NCKAP5: variants seen among roughly 807,000 people sequenced by gnomAD.
The protein encoded by NCKAP5 is nck-associated protein 5.
A neutral mutation model predicts 167.0 loss-of-function variants in NCKAP5; 92 were observed. That is an observed-to-expected ratio of 0.55 (90% CI 0.47 to 0.66). NCKAP5 has a LOEUF of 0.66. NCKAP5 is among the 30% of genes least tolerant of loss of function. The pLI is 0.00. For synonymous variants in NCKAP5, 891 were observed against 877.4 expected, an observed-to-expected ratio of 1.02 and a Z score of -0.27; for missense variants, 2,378 against 2,315.0, an observed-to-expected ratio of 1.03 and a Z score of -0.56.
At chr2:133,471,343 T>C (rs368930045) in intron 3 of NCKAP5, among the ~76,000 whole-genome samples, 54 of 150,738 alleles carry the variant, frequency 3.6e-4, no homozygotes, top group African/African-American at 1.3e-3. Flanking sequence ...AACCTTAAAA[T>C]TGGTAATTTA....
chr2:133,061,085 A>T (rs1341387144), intron 6 of NCKAP5, among the ~76,000 whole-genome samples: 3 of 152,018 alleles, frequency 2.0e-5, no homozygotes, highest in Admixed American at 6.6e-5. Context: ...ACAAAACAAC[A>T]ACAACAAAAA....
At chr2:132,869,823 A>G (rs181473863) in intron 9 of NCKAP5, among the ~76,000 whole-genome samples, 1 of 152,310 alleles carries the variant, frequency 6.6e-6, no homozygotes, top group African/African-American at 2.4e-5. Context: ...GGATATTTGG[A>G]CAGAGAAAAG....
chr2:133,093,060 T>A (rs2081239923), intron 6 of NCKAP5, among the ~76,000 whole-genome samples: 1 of 152,146 alleles, frequency 6.6e-6, no homozygotes, highest in African/African-American at 2.4e-5. Context: ...ATAATAATAA[T>A]CCCTTCCTTG....
intron 6 of NCKAP5, among the ~76,000 whole-genome samples, chr2:133,032,149 A>G (rs2078900135): frequency 6.6e-6 from 1 of 151,966 alleles, no homozygotes; most frequent in Non-Finnish European, 1.5e-5. Context: ...CAGGGGAGAA[A>G]AGCACCAAGC....
intron 16 of NCKAP5, among the ~76,000 whole-genome samples, chr2:132,768,830 G>T (rs1052549454): frequency 6.6e-6 from 1 of 151,052 alleles, no homozygotes; most frequent in African/African-American, 2.4e-5. Flanking sequence ...TAGTAGAGAC[G>T]GGGTTTCACT....
At chr2:133,083,834 A>G (rs1326493663) in intron 6 of NCKAP5, among the ~76,000 whole-genome samples, 1 of 152,152 alleles carries the variant, frequency 6.6e-6, no homozygotes, top group Non-Finnish European at 1.5e-5. Context: ...CTAAGTGCTG[A>G]GGATATAGCA....
intron 3 of NCKAP5, among the ~76,000 whole-genome samples, chr2:133,364,383 G>T (rs12328976): frequency 0.25 from 38,386 of 152,042 alleles, 5,396 homozygotes; most frequent in African/African-American, 0.39. Flanking sequence ...GACTTTTTAT[G>T]CTGAACTAGT....
chr2:132,831,920 A>C (rs1687548360), intron 11 of NCKAP5, among the ~76,000 whole-genome samples: 1 of 152,114 alleles, frequency 6.6e-6, no homozygotes, highest in Admixed American at 6.5e-5. Flanking sequence ...AAATACATTG[A>C]TGAATCCCTA....
intron 5 of NCKAP5, among the ~76,000 whole-genome samples, chr2:133,173,046 G>A (rs1352825148): frequency 6.6e-6 from 1 of 152,094 alleles, no homozygotes; most frequent in East Asian, 1.9e-4. Context: ...CAGGCAGAAG[G>A]TTCAGGTTCA....
At chr2:133,179,964 T>A (rs1002644861) in intron 5 of NCKAP5, among the ~76,000 whole-genome samples, 71 of 151,440 alleles carry the variant, frequency 4.7e-4, no homozygotes, top group African/African-American at 1.7e-3. Context: ...TTTGACAAAA[T>A]ACATACAGAT....
At chr2:132,815,301 A>T (rs529965927) in intron 11 of NCKAP5, among the ~76,000 whole-genome samples, 1 of 152,320 alleles carries the variant, frequency 6.6e-6, no homozygotes, top group East Asian at 1.9e-4. Context: ...CAAAGAAATG[A>T]GCATTATAGA....
intron 8 of NCKAP5, among the ~76,000 whole-genome samples, chr2:132,920,046 G>A (rs1479941520): frequency 6.6e-6 from 1 of 152,134 alleles, no homozygotes; most frequent in Non-Finnish European, 1.5e-5. Flanking sequence ...ATGGTTCCTT[G>A]GCTACTGCCT....
chr2:132,949,591 T>A (rs1308667944), intron 8 of NCKAP5, among the ~76,000 whole-genome samples: 1 of 152,182 alleles, frequency 6.6e-6, no homozygotes, highest in African/African-American at 2.4e-5. Flanking sequence ...CCTCAGGGCA[T>A]GGCATCCCCC....
At chr2:133,622,499 A>C in the NCKAP5 span, among the ~76,000 whole-genome samples, 1 of 152,122 alleles carries the variant, frequency 6.6e-6, no homozygotes, top group Admixed American at 6.6e-5. Flanking sequence ...CAGTGACCAA[A>C]CTGAGAATCA....
intron 3 of NCKAP5, among the ~76,000 whole-genome samples, chr2:133,352,949 G>C (rs1684468466): frequency 6.6e-6 from 1 of 152,210 alleles, no homozygotes; most frequent in African/African-American, 2.4e-5. Context: ...TTTAAAGTCG[G>C]CTGCTTCTCT....
At chr2:133,075,724 G>GA (rs2080578800) in intron 6 of NCKAP5, among the ~76,000 whole-genome samples, 1 of 152,016 alleles carries the variant, frequency 6.6e-6, no homozygotes, top group Admixed American at 6.6e-5. Flanking sequence ...AAATACATTT[G>GA]AAAAACAATA....
At chr2:133,468,378 G>A (rs1692765062) in intron 3 of NCKAP5, among the ~76,000 whole-genome samples, 1 of 149,648 alleles carries the variant, frequency 6.7e-6, no homozygotes, top group Non-Finnish European at 1.5e-5. Flanking sequence ...CTGAGAGACA[G>A]TTTGTTATAA....
intron 7 of NCKAP5, among the ~76,000 whole-genome samples, chr2:132,966,530 T>C (rs2076673463): frequency 6.6e-6 from 1 of 152,226 alleles, no homozygotes; most frequent in Admixed American, 6.5e-5. Flanking sequence ...GGTTATGTTC[T>C]CTAAAATTTT....
At chr2:132,955,543 T>C (rs1399463650) in intron 8 of NCKAP5, among the ~76,000 whole-genome samples, 1 of 152,216 alleles carries the variant, frequency 6.6e-6, no homozygotes, top group Non-Finnish European at 1.5e-5. Context: ...ACATTTTCTT[T>C]ATCCAGTTTA....
Sources: allele counts gnomAD v4.1 joint callset (sites outside exome capture counted in the v4.1 genomes callset), GRCh38; gene constraint gnomAD v4.1.1; transcripts MANE v1.5; gene names NCBI Gene and HGNC (gene_info 2026-07-23, HGNC 2026-07-21).